Variants in THOC6 observed in about 807,000 individuals in gnomAD.
THOC6 encodes THO complex 6.
A neutral mutation model predicts 55.8 loss-of-function variants in THOC6; 39 were observed. The observed-to-expected ratio is 0.70, with a 90% CI of 0.54 to 0.91. The LOEUF is 0.91. THOC6 is among the 40% of genes least tolerant of loss of function. The pLI is 0.00. For synonymous variants in THOC6, 192 were observed against 175.6 expected (o/e 1.09, Z -0.74); for missense variants, 482 against 442.0 (o/e 1.09, Z -0.81).
Position 3,024,057 on chromosome 16 carries a change from G to T in THOC6, c.-270G>T. ...GGCACAGCCGCGAGGTTCTGCGCGG[G>T]CGCGGAAGACGGGCGGCGCGTGGCG... On this transcript the variant is annotated 5_prime_UTR_variant, in exon 1 of 13. Coordinates refer to ENST00000326266, the MANE Select transcript of THOC6 (RefSeq NM_024339.5). 2 of 904,114 alleles carry T rather than the reference G, an allele frequency of 2.2e-6. No individual in the cohort carries two copies. The highest frequency in any genetic ancestry group is 2.7e-4 in the Middle Eastern group (1 of 3,690). The allele number at this position is 904,114 out of a possible 1,614,324, so 56.0% of individuals were successfully genotyped here. A position where few individuals can be genotyped will look rare whatever the true frequency, so the allele number is the denominator to read the frequency against.
intron 6 of THOC6, 49 bp downstream of exon 6, chr16:3,026,462 C>G (rs1289001869): frequency 1.2e-6 from 2 of 1,614,130 alleles, no homozygotes; most frequent in Admixed American, 1.7e-5. Context: ...ATCCTTCACC[C>G]TCTGCCTATC....
In THOC6 at chr16:3,024,265, G is replaced by A; in HGVS notation, c.-62G>A. On this transcript the variant is annotated 5_prime_UTR_variant, in exon 1 of 13. Transcript: ENST00000326266. ...GCGCCACGGAGAGGAACCGCTCTAGGCACGTAAGGCCTCGTGAGGTTGCGT... is the reference window on the plus strand; with the variant it reads ...GCGCCACGGAGAGGAACCGCTCTAGACACGTAAGGCCTCGTGAGGTTGCGT... 3.1e-6 allele frequency: 5 copies of A among 1,608,390 alleles called. No homozygotes were observed. The highest frequency in any genetic ancestry group is 4.3e-6 in the Non-Finnish European group (5 of 1,175,256).
chr16:3,027,311 C>A, intron 11 of THOC6, 31 bp downstream of exon 11: 3 of 1,614,188 alleles, frequency 1.9e-6, no homozygotes, highest in Non-Finnish European at 2.5e-6. Context: ...TCTGCCACCC[C>A]CACTGACTCT....
rs2072806576 is a variant in THOC6, at chr16:3,026,793, G to T, written c.586+12G>T. The T allele has an allele frequency of 1.9e-6, 3 of 1,613,928 alleles. No individual in the cohort carries two copies. Among genetic ancestry groups the T allele is most frequent in the Non-Finnish European group, 2.5e-6 (3 of 1,179,892 alleles). On this transcript the variant is annotated intron_variant, in intron 8 of 12. Transcript: ENST00000326266. ...TGTTCGACTTTGGGGTAAGCAGGTG[G>T]CTGGTTGGAGGGCAAGATGGCAGTG...
chr16:3,025,661 G>C, intron 1 of THOC6, 47 bp from the exon 2 acceptor site: 2 of 1,547,450 alleles, frequency 1.3e-6, no homozygotes, highest in Non-Finnish European at 1.8e-6. Flanking sequence ...CTGTGGATGG[G>C]AGGTTTCATA....
In THOC6 at chr16:3,026,698, C is replaced by G; in HGVS notation, c.503C>G (p.Thr168Arg). The change falls in exon 8 of 13, where the codon ACA becomes AGA. Residue 168 changes from threonine (T) to arginine (R), a missense_variant. Transcript: ENST00000326266. ...ATGCAGAGGGTCCTCCGGGGCCACA[C>G]AGACTACATCCACTGCCTGGCACTG... ...GTFTRVLRGH[T>R]DYIHCLALRE... is the part of the protein sequence containing the mutation. 1 of 1,613,522 alleles carries G rather than the reference C, an allele frequency of 6.2e-7. No homozygotes were observed. The highest frequency in any genetic ancestry group is 8.5e-7 in the Non-Finnish European group (1 of 1,179,658).
Position 3,027,474 on chromosome 16 carries a change from C to A in THOC6, c.919C>A (p.Gln307Lys), listed in dbSNP as rs1262217017. The change falls in exon 12 of 13, where the codon CAG becomes AAG. Residue 307 changes from glutamine to lysine, a missense_variant. Gln to Lys is a moderately conservative substitution (Grantham distance 53). Coordinates refer to ENST00000326266, the MANE Select transcript of THOC6 (RefSeq NM_024339.5). Reference sequence around the variant, plus strand: ...AGGGCTGCTCAGCCTCAGCCTCAACCAGCAGCCTGCCGCGCCTGAGTGCAA... The same window carrying A: ...AGGGCTGCTCAGCCTCAGCCTCAACAAGCAGCCTGCCGCGCCTGAGTGCAA... ...SPGLLSLSLNQQPAAPECKVL... is the reference protein window; with the variant it reads ...SPGLLSLSLNKQPAAPECKVL... 2 of 1,610,136 alleles carry A rather than the reference C, an allele frequency of 1.2e-6. No homozygotes were observed. The highest frequency in any genetic ancestry group is 1.7e-6 in the Non-Finnish European group (2 of 1,178,036).
At chr16:3,027,324 C>T (rs1376262184) in intron 11 of THOC6, 42 bp from the exon 12 acceptor site, 3 of 1,614,126 alleles carry the variant, frequency 1.9e-6, no homozygotes, top group South Asian at 2.2e-5. Flanking sequence ...CTGACTCTTC[C>T]CTTCAGTCCT....
chr16:3,027,709 C>CT lies in THOC6; in HGVS notation c.*69dup, dbSNP rs56382043. The CT allele has an allele frequency of 7.1e-3, 9,571 of 1,347,284 alleles. 1 individual carries two copies. The highest frequency in any genetic ancestry group is 8.1e-3 in the Non-Finnish European group (8,179 of 1,006,506). 83.5% of individuals were successfully genotyped at this position (1,347,284 alleles called of 1,614,324 possible). ...AGGGTTTTAGAGTGTTTTTCATTTT[C>CT]TTTTTTTTTTTTTTTTTACAATAAA... On this transcript the variant is annotated 3_prime_UTR_variant, in exon 13 of 13. Transcript: ENST00000326266.
rs558356453 is a variant in THOC6, at chr16:3,024,181, C to A, written c.-146C>A. On this transcript the variant is annotated 5_prime_UTR_variant, in exon 1 of 13. Transcript: ENST00000326266. ...TGTCGGGGGTCTTCGCGGCGCTCAC[C>A]TCGGCTCCTAGGGTTCGGGACGGTA... 7.6e-5 allele frequency: 76 copies of A among 1,004,124 alleles called. No homozygotes were observed. Among genetic ancestry groups the A allele is most frequent in the Non-Finnish European group, 1.0e-4 (68 of 669,872 alleles). The allele number at this position is 1,004,124 out of a possible 1,614,324, so 62.2% of individuals were successfully genotyped here.
chr16:3,027,357 C>T lies in THOC6; in HGVS notation c.811-9C>T, dbSNP rs913129924. The T allele has an allele frequency of 1.9e-6, 3 of 1,613,218 alleles. No homozygotes were observed. Among genetic ancestry groups the T allele is most frequent in the African/African-American group, 1.3e-5 (1 of 74,952 alleles). The stretch of plus-strand genomic sequence containing the variant: ...CCTGACCCCTGAGCACCTTCCCTGT[C>T]CTCTGCAGATTCTGTCAGCTGGCCA... On this transcript the variant is annotated splice_polypyrimidine_tract_variant and intron_variant, in intron 11 of 12. Transcript: ENST00000326266.
At position 3,027,605 on chromosome 16, in the gene THOC6, G is replaced by C. The variant is rs1458829101; in HGVS notation, c.974G>C (p.Arg325Pro). ...CTGACAGCTGCAGGCAACAGCTGCC[G>C]GGTGGATGTCTTCACCAACCTGGGT... ...KVLTAAGNSC[R>P]VDVFTNLGYR... Residue 325 changes from arginine to proline, a missense_variant, in exon 13 of 13, where the codon CGG (arginine) becomes CCG (proline). By Grantham distance (103) the Arg-to-Pro change is moderately radical. Coordinates refer to ENST00000326266, the MANE Select transcript of THOC6 (RefSeq NM_024339.5). 1 of 1,614,024 alleles carries C rather than the reference G, an allele frequency of 6.2e-7. No homozygotes were observed.
chr16:3,027,117 T>C (rs1201846649), intron 10 of THOC6, 44 bp downstream of exon 10: 1 of 1,613,764 alleles, frequency 6.2e-7, no homozygotes, highest in East Asian at 2.2e-5. Flanking sequence ...CTCCGGGCCC[T>C]GTCAGCTGTG....
Position 3,024,346 on chromosome 16 carries a change from T to C in THOC6, c.20T>C (p.Leu7Pro), listed in dbSNP as rs144892669. Residue 7 changes from leucine (L) to proline (P), a missense_variant, in exon 1 of 13, where the codon CTC becomes CCC. Leu to Pro is a moderately conservative substitution (Grantham distance 98). Transcript: ENST00000326266. MERAVPLAVPLGQTEVF... is the reference protein window; with the variant it reads MERAVPPAVPLGQTEVF... ...CTGGAGATGGAGCGAGCTGTGCCGCTCGCGGTGCCTCTGGGTCAGGTGAGA... is the reference window on the plus strand; with the variant it reads ...CTGGAGATGGAGCGAGCTGTGCCGCCCGCGGTGCCTCTGGGTCAGGTGAGA... 3 of 1,614,124 alleles carry C rather than the reference T, an allele frequency of 1.9e-6. No homozygotes were observed. Among genetic ancestry groups the C allele is most frequent in the African/African-American group, 2.7e-5 (2 of 75,042 alleles).
chr16:3,025,215 T>G (rs1310854730), intron 1 of THOC6, among the ~76,000 whole-genome samples: 1 of 152,182 alleles, frequency 6.6e-6, no homozygotes, highest in South Asian at 2.1e-4. Context: ...GTGCTGGGAT[T>G]ACAGGCGTGA....
Position 3,027,349 on chromosome 16 carries a change from T to C in THOC6, c.811-17T>C. Reference sequence around the variant, plus strand: ...CCTTCAGTCCTGACCCCTGAGCACCTTCCCTGTCCTCTGCAGATTCTGTCA... The same window carrying C: ...CCTTCAGTCCTGACCCCTGAGCACCCTCCCTGTCCTCTGCAGATTCTGTCA... On this transcript the variant is annotated splice_polypyrimidine_tract_variant and intron_variant, in intron 11 of 12. Coordinates refer to ENST00000326266, the MANE Select transcript of THOC6 (RefSeq NM_024339.5). 2 of 1,613,046 alleles carry C rather than the reference T, an allele frequency of 1.2e-6. No individual in the cohort carries two copies. The highest frequency in any genetic ancestry group is 1.7e-6 in the Non-Finnish European group (2 of 1,179,228).
At position 3,027,260 on chromosome 16, in the gene THOC6, G is replaced by A. The variant is rs751175080; in HGVS notation, c.790G>A (p.Val264Ile). The change falls in exon 11 of 13, where the codon GTC becomes ATC. Residue 264 changes from valine to isoleucine, a missense_variant. Val to Ile is a conservative substitution (Grantham distance 29). Coordinates refer to ENST00000326266, the MANE Select transcript of THOC6 (RefSeq NM_024339.5). ...IFPIRAPQKH[V>I]TFYQDLILSA... ...CCCCATCCGGGCGCCACAGAAGCAC[G>A]TCACCTTCTACCAGGACCTGGTGAG... The A allele has an allele frequency of 1.1e-5, 18 of 1,614,066 alleles. No individual in the cohort carries two copies. The highest frequency in any genetic ancestry group is 8.3e-5 in the Admixed American group (5 of 60,012).
At position 3,026,106 on chromosome 16, in the gene THOC6, T is replaced by G; in HGVS notation, c.264T>G (p.His88Gln). 1 of 1,609,214 alleles carries G rather than the reference T, an allele frequency of 6.2e-7. No homozygotes were observed. Among genetic ancestry groups the G allele is most frequent in the South Asian group, 1.1e-5 (1 of 90,820 alleles). ...ATAGCATGGTTTCCACCGATCGACATCTGCTTAGTGCTGGGGATGGGGAGG... is the reference window on the plus strand; with the variant it reads ...ATAGCATGGTTTCCACCGATCGACAGCTGCTTAGTGCTGGGGATGGGGAGG... Reference protein sequence around the residue: ...PVYSMVSTDRHLLSAGDGEVK... With the variant: ...PVYSMVSTDRQLLSAGDGEVK... Residue 88 changes from histidine to glutamine, a missense_variant, in exon 4 of 13, where the codon CAT becomes CAG. By Grantham distance (24) the His-to-Gln change is conservative. Coordinates refer to ENST00000326266, the MANE Select transcript of THOC6 (RefSeq NM_024339.5).
Position 3,027,620 on chromosome 16 carries a change from C to G in THOC6, c.989C>G (p.Thr330Ser). Reference sequence around the variant, plus strand: ...AACAGCTGCCGGGTGGATGTCTTCACCAACCTGGGTTACCGAGCCTTCTCC... The same window carrying G: ...AACAGCTGCCGGGTGGATGTCTTCAGCAACCTGGGTTACCGAGCCTTCTCC... ...AGNSCRVDVF[T>S]NLGYRAFSLS... Residue 330 changes from threonine (T) to serine (S), a missense_variant, in exon 13 of 13, where the codon ACC (threonine) becomes AGC (serine). Coordinates refer to ENST00000326266, the MANE Select transcript of THOC6 (RefSeq NM_024339.5). 6.2e-7 allele frequency: 1 copy of G among 1,614,210 alleles called. No individual in the cohort carries two copies. The highest frequency in any genetic ancestry group is 8.5e-7 in the Non-Finnish European group (1 of 1,180,016).
Sources: allele counts gnomAD v4.1 joint callset (sites outside exome capture counted in the v4.1 genomes callset), GRCh38; gene constraint gnomAD v4.1.1; transcripts MANE v1.5; gene names NCBI Gene and HGNC (gene_info 2026-07-23, HGNC 2026-07-21).